Variants in ANKRD36 observed in about 807,000 individuals in gnomAD.
The protein encoded by ANKRD36 is ankyrin repeat domain 36, also known as ankyrin repeat domain-containing protein 36A.
A neutral mutation model predicts 278.1 loss-of-function variants in ANKRD36; 179 were observed. The observed-to-expected ratio is 0.64, with a 90% CI of 0.57 to 0.73. The LOEUF is 0.73. Among genes scored for constraint, ANKRD36 ranks in the 30% least tolerant of loss-of-function variants. The pLI, the probability that ANKRD36 is intolerant of heterozygous loss-of-function variation, is 0.00. For missense variants in ANKRD36, 1,159 were observed against 1,956.7 expected, an observed-to-expected ratio of 0.59 and a Z score of 7.69; for synonymous variants, 320 against 641.1, an observed-to-expected ratio of 0.50 and a Z score of 7.57.
At chr2:97,217,441 G>C in intron 64 of ANKRD36, 69 bp downstream of exon 64, 1 of 1,542,082 alleles carries the variant, frequency 6.5e-7, no homozygotes. Context: ...CCCCTGAATA[G>C]ATCAGCAGGG....
At chr2:97,131,732 A>C in intron 6 of ANKRD36, among the ~76,000 whole-genome samples, 1 of 151,966 alleles carries the variant, frequency 6.6e-6, no homozygotes, top group Non-Finnish European at 1.5e-5. Context: ...AATGAGCTCT[A>C]TGATCGATAG....
At chr2:97,146,336 T>C in intron 10 of ANKRD36, 150 bp from the exon 11 acceptor site, 2 of 542,244 alleles carry the variant, frequency 3.7e-6, no homozygotes, top group South Asian at 7.1e-5. Context: ...CAAGCTGGTC[T>C]GAAATGCCTG....
intron 56 of ANKRD36, among the ~76,000 whole-genome samples, chr2:97,211,295 C>G (rs1344427451): frequency 6.6e-6 from 1 of 151,876 alleles, no homozygotes; most frequent in Non-Finnish European, 1.5e-5. Context: ...ATTGACAGGG[C>G]TTTATTTTAG....
At chr2:97,225,491 T>G (rs1439562714) in intron 67 of ANKRD36, among the ~76,000 whole-genome samples, 1 of 152,014 alleles carries the variant, frequency 6.6e-6, no homozygotes, top group Non-Finnish European at 1.5e-5. Flanking sequence ...CTCTAAATAT[T>G]GTTAAATTTA....
In ANKRD36 at chr2:97,192,872, C is replaced by A. The variant is rs1471044146; in HGVS notation, c.2362C>A (p.Pro788Thr). Residue 788 changes from proline to threonine, a missense_variant, in exon 37 of 76, where the codon CCA becomes ACA. Pro to Thr is a conservative substitution (Grantham distance 38, BLOSUM62 -1). Transcript: ENST00000420699. ...TTGCTTTTCAGTGTCTTCTCAGAAA[C>A]CACCAGCCTTGACGGTAATGAAACA... ...EKSGTVSSQK[P>T]PALTATSDEE... 5 of 1,603,748 alleles carry A rather than the reference C, an allele frequency of 3.1e-6. No homozygotes were observed. The highest frequency in any genetic ancestry group is 3.4e-6 in the Non-Finnish European group (4 of 1,177,564).
intron 5 of ANKRD36, 42 bp downstream of exon 5, chr2:97,124,639 GT>G (rs1232590120): frequency 5.9e-6 from 9 of 1,523,060 alleles, no homozygotes; most frequent in Non-Finnish European, 7.9e-6. Flanking sequence ...CTAAATTGAA[GT>G]TTAAAATAAT....
chr2:97,226,132 A>G (rs1344882295), intron 67 of ANKRD36, among the ~76,000 whole-genome samples: 1 of 151,576 alleles, frequency 6.6e-6, no homozygotes, highest in East Asian at 2.0e-4. Context: ...TCCTTTGGGT[A>G]TATACCCAGT....
At chr2:97,172,740 C>T (rs540758554) in intron 22 of ANKRD36, among the ~76,000 whole-genome samples, 1 of 151,980 alleles carries the variant, frequency 6.6e-6, no homozygotes, top group East Asian at 1.9e-4. Context: ...TTTGTTGATC[C>T]CTATAGAGTG....
intron 52 of ANKRD36, among the ~76,000 whole-genome samples, chr2:97,207,562 T>G (rs1221249278): frequency 6.6e-6 from 1 of 151,534 alleles, no homozygotes; most frequent in Non-Finnish European, 1.5e-5. Context: ...TGACACGGTT[T>G]TATTTTAGTT....
chr2:97,196,773 G>C lies in ANKRD36; in HGVS notation c.2638G>C (p.Glu880Gln). 1 of 1,548,370 alleles carries C rather than the reference G, an allele frequency of 6.5e-7. No homozygotes were observed. Among genetic ancestry groups the C allele is most frequent in the Non-Finnish European group, 8.7e-7 (1 of 1,148,138 alleles). ...TATAGCCAGAGAAAACAAGGATGGA[G>C]AAAAATCTAGGACAGGTAATTCTGA... ...LGIARENKDG[E>Q]KSRTVSSEKP... Residue 880 changes from glutamate (E) to glutamine (Q), a missense_variant, in exon 42 of 76, where the codon GAA becomes CAA. By Grantham distance (29) the Glu-to-Gln change is conservative. Transcript: ENST00000420699.
Position 97,209,451 on chromosome 2 carries a change from C to T in ANKRD36, c.3266-230C>T, listed in dbSNP as rs906125353. Among the ~76,000 whole-genome samples the T allele has an allele frequency of 1.0e-4, 15 of 146,408 alleles. 2 individuals carry two copies. The highest frequency in any genetic ancestry group is 2.9e-4 in the African/African-American group (11 of 37,646). ...CACGGTTTTATTTTAGTTTTTGACA[C>T]GTGACAAATCATATAATGTTTGAAA... On this transcript the variant is annotated intron_variant, in intron 54 of 75. Coordinates refer to ENST00000420699, the MANE Select transcript of ANKRD36 (RefSeq NM_001354587.1).
At position 97,190,852 on chromosome 2, in the gene ANKRD36, A is replaced by G. The variant is rs1461723708; in HGVS notation, c.2246-126A>G. 35 of 1,397,378 alleles carry G rather than the reference A, an allele frequency of 2.5e-5. 2 individuals are homozygous for G. The East Asian group carries it at 8.7e-4, about 35-fold the overall frequency. 86.6% of individuals were successfully genotyped at this position (1,397,378 alleles called of 1,614,324 possible). A position where few individuals can be genotyped will look rare whatever the true frequency, so the allele number is the denominator to read the frequency against. On this transcript the variant is annotated intron_variant, in intron 34 of 75. Coordinates refer to ENST00000420699, the MANE Select transcript of ANKRD36 (RefSeq NM_001354587.1). The stretch of plus-strand genomic sequence containing the variant: ...ATGTTCCAGTCCCAAGAGACAAAGT[A>G]GAAGACATCAGAGCCTACACTAGTA...
intron 38 of ANKRD36, 149 bp from the exon 39 acceptor site, chr2:97,194,577 T>C (rs1473758803): frequency 6.9e-7 from 1 of 1,446,888 alleles, no homozygotes; most frequent in Non-Finnish European, 9.4e-7. Flanking sequence ...ATTTCTGACA[T>C]GTTCTGGTCC....
chr2:97,227,511 T>G (rs1411561336), intron 67 of ANKRD36, among the ~76,000 whole-genome samples: 13 of 152,134 alleles, frequency 8.5e-5, no homozygotes, highest in African/African-American at 3.1e-4. Flanking sequence ...CTGATCAGCT[T>G]AAGGAGATTT....
At position 97,175,948 on chromosome 2, in the gene ANKRD36, T is replaced by G. The variant is rs554736836; in HGVS notation, c.1634-3790T>G. On this transcript the variant is annotated intron_variant, in intron 22 of 75. Transcript: ENST00000420699. Reference sequence around the variant, plus strand: ...AGTTGAGCGGTTTTGAGTGAGATTCTTAATCCTGAATTCTAGTTTGATTGC... The same window carrying G: ...AGTTGAGCGGTTTTGAGTGAGATTCGTAATCCTGAATTCTAGTTTGATTGC... Among the ~76,000 whole-genome samples the G allele has an allele frequency of 2.5e-4, 38 of 152,054 alleles. No individual in the cohort carries two copies. In the East Asian group the frequency reaches 7.4e-3, roughly 29 times the overall value.
chr2:97,187,543 T>G, intron 32 of ANKRD36, 142 bp downstream of exon 32: 1 of 1,279,314 alleles, frequency 7.8e-7, no homozygotes, highest in Non-Finnish European at 1.1e-6. Flanking sequence ...AGTCTTCATT[T>G]GTAATAAATT....
intron 36 of ANKRD36, among the ~76,000 whole-genome samples, 152 bp downstream of exon 36, chr2:97,191,333 G>C (rs539102947): frequency 6.6e-6 from 1 of 151,800 alleles, no homozygotes; most frequent in East Asian, 2.0e-4. Flanking sequence ...TTGGGTGATG[G>C]TGATGCTGCT....
chr2:97,154,962 G>A lies in ANKRD36; in HGVS notation c.1260+221G>A, dbSNP rs1325811129. 1.4e-5 allele frequency among the ~76,000 whole-genome samples: 2 copies of A among 144,336 alleles called. 1 individual carries two copies. The highest frequency in any genetic ancestry group is 4.9e-5 in the African/African-American group (2 of 40,950). 94.7% of individuals were successfully genotyped at this position (144,336 alleles called of 152,430 possible). On this transcript the variant is annotated intron_variant, in intron 15 of 75. Transcript: ENST00000420699. ...ATAGTTGATAAATACTTTGAGAGGT[G>A]TGATCTGAAAAAAAAATTGCTGGAA...
chr2:97,262,679 G>T (rs1442331352), intron 75 of ANKRD36, among the ~76,000 whole-genome samples: 1 of 134,140 alleles, frequency 7.5e-6, no homozygotes, highest in Non-Finnish European at 1.5e-5. Flanking sequence ...CATGGTGGTT[G>T]ATCTCTCCTG....
Sources: allele counts gnomAD v4.1 joint callset (sites outside exome capture counted in the v4.1 genomes callset), GRCh38; gene constraint gnomAD v4.1.1; transcripts MANE v1.5; gene names NCBI Gene and HGNC (gene_info 2026-07-23, HGNC 2026-07-21).